The following TECR variants were observed in gnomAD, a reference collection of about 807,000 sequenced individuals.
TECR encodes the protein trans-2,3-enoyl-CoA reductase.
TECR carries 19 observed loss-of-function variants against 50.6 expected under a neutral mutation model. That is an observed-to-expected ratio of 0.38 (90% confidence interval 0.26 to 0.55). The LOEUF (loss-of-function observed/expected upper bound fraction) is 0.55. TECR is among the 20% of genes least tolerant of loss of function. TECR has a pLI of 0.79. For synonymous variants in TECR, 168 were observed against 163.5 expected (o/e 1.03, Z -0.21); for missense variants, 313 against 408.3 (o/e 0.77, Z 2.01).
upstream of TECR, chr19:14,529,135 A>T (rs7249458): frequency 0.53 from 95,606 of 178,832 alleles, 28,179 homozygotes; most frequent in African/African-American, 0.79. Context: ...CTCCTCGCCA[A>T]CCAGACTCCG....
At chr19:14,544,933 C>T (rs563264443) in intron 1 of TECR, among the ~76,000 whole-genome samples, 4 of 152,194 alleles carry the variant, frequency 2.6e-5, no homozygotes, top group Admixed American at 6.6e-5. Flanking sequence ...ATGCCCAGCA[C>T]GTGGCTTGTT....
chr19:14,547,730 T>C (rs2146593409), intron 1 of TECR, among the ~76,000 whole-genome samples: 1 of 151,700 alleles, frequency 6.6e-6, no homozygotes, highest in African/African-American at 2.4e-5. Context: ...GCTATTATAG[T>C]TCACTGCAGC....
intron 7 of TECR, 37 bp downstream of exon 7, chr19:14,564,324 C>T: frequency 7.9e-6 from 12 of 1,510,528 alleles, no homozygotes; most frequent in Non-Finnish European, 9.8e-6. Context: ...TAAGCCCCGC[C>T]TTTCTGCCCC....
chr19:14,534,281 T>C (rs572284277), intron 1 of TECR, among the ~76,000 whole-genome samples: 3 of 142,030 alleles, frequency 2.1e-5, no homozygotes, highest in South Asian at 4.4e-4. Flanking sequence ...CCTGCCACCA[T>C]GCCTGGCTAA....
chr19:14,540,621 ACCACAAGTGAT>A (rs909041704), intron 1 of TECR, among the ~76,000 whole-genome samples: 1 of 149,610 alleles, frequency 6.7e-6, no homozygotes, highest in Non-Finnish European at 1.5e-5. Flanking sequence ...TGAACTCCTG[ACCACAAGTGAT>A]CCACCTGCCT....
intron 1 of TECR, among the ~76,000 whole-genome samples, chr19:14,535,186 A>G (rs1344295653): frequency 6.6e-6 from 1 of 151,658 alleles, no homozygotes; most frequent in Non-Finnish European, 1.5e-5. Flanking sequence ...TAGCCTGGCC[A>G]ACATGGCGAA....
intron 1 of TECR, among the ~76,000 whole-genome samples, chr19:14,544,124 TG>T (rs1471509863): frequency 6.6e-6 from 1 of 151,854 alleles, no homozygotes; most frequent in Non-Finnish European, 1.5e-5. Flanking sequence ...AATACTGGTG[TG>T]GGGATGGTTT....
chr19:14,565,352 C>T (rs1349287574), intron 11 of TECR, 62 bp downstream of exon 11: 4 of 1,594,098 alleles, frequency 2.5e-6, no homozygotes, highest in Non-Finnish European at 3.4e-6. Context: ...AGGGACCAGC[C>T]CCTAGGATGG....
At chr19:14,547,854 G>T (rs1328007609) in intron 1 of TECR, among the ~76,000 whole-genome samples, 1 of 150,648 alleles carries the variant, frequency 6.6e-6, no homozygotes, top group African/African-American at 2.4e-5. Flanking sequence ...TAGAAATGGG[G>T]TCTTGCGATG....
At chr19:14,543,419 ATTTTTTTTTTT>A (rs1169742953) in intron 1 of TECR, among the ~76,000 whole-genome samples, 376 of 21,390 alleles carry the variant, frequency 0.018, 6 homozygotes, top group East Asian at 0.024. Context: ...ATATATATAT[ATTTTTTTTTTT>A]TTTTTTTTTT....
intron 11 of TECR, 73 bp from the exon 12 acceptor site, chr19:14,565,545 C>T: frequency 6.4e-7 from 1 of 1,559,122 alleles, no homozygotes; most frequent in Non-Finnish European, 8.6e-7. Context: ...CGGGAGGTGG[C>T]TGGCTGAGTC....
intron 1 of TECR, among the ~76,000 whole-genome samples, chr19:14,539,114 C>T (rs918169588): frequency 8.1e-5 from 12 of 149,016 alleles, no homozygotes; most frequent in Non-Finnish European, 1.5e-4. Flanking sequence ...GCTGGGACTA[C>T]AGGCGCCCAC....
chr19:14,565,429 T>C (rs2146637729), intron 11 of TECR, 139 bp downstream of exon 11: 2 of 1,366,796 alleles, frequency 1.5e-6, no homozygotes, highest in South Asian at 1.2e-5. Context: ...GACCGCGGCC[T>C]CTCTGCTGTG....
chr19:14,537,848 C>T (rs1282547290), intron 1 of TECR, among the ~76,000 whole-genome samples: 2 of 149,424 alleles, frequency 1.3e-5, no homozygotes, highest in African/African-American at 4.9e-5. Flanking sequence ...CGGGTTCAGG[C>T]GATTCTCCTG....
chr19:14,537,423 G>C (rs1010344545), intron 1 of TECR, among the ~76,000 whole-genome samples: 6 of 148,144 alleles, frequency 4.1e-5, no homozygotes, highest in African/African-American at 1.5e-4. Flanking sequence ...GCCCAGCAAA[G>C]CCTTCTGGAC....
At chr19:14,529,817 A>G in intron 1 of TECR, 106 bp downstream of exon 1, 1 of 1,543,350 alleles carries the variant, frequency 6.5e-7, no homozygotes, top group Non-Finnish European at 8.9e-7. Context: ...CCGAAGGAAG[A>G]GCCAGACGGC....
chr19:14,563,293 C>A lies in TECR; in HGVS notation c.118+36C>A, dbSNP rs2146631546. Reference sequence around the variant, plus strand: ...GTCCCGGCCACACTGCCCCTGCAACCCCTTTGACCAGGGACCTTAGGGTGG... The same window carrying A: ...GTCCCGGCCACACTGCCCCTGCAACACCTTTGACCAGGGACCTTAGGGTGG... On this transcript the variant is annotated intron_variant, in intron 3 of 12. Coordinates refer to ENST00000215567, the MANE Select transcript of TECR (RefSeq NM_138501.6). The surrounding 1 kb of genome is among the most constrained non-coding windows in gnomAD (Gnocchi z 5.3). The A allele has an allele frequency of 6.3e-7, 1 of 1,575,558 alleles. No individual in the cohort carries two copies. The highest frequency in any genetic ancestry group is 1.3e-5 in the African/African-American group (1 of 74,284).
chr19:14,563,080 A>G lies in TECR; in HGVS notation c.67-126A>G. ...TCCCTGACTGCAGGCAGAGGCCTGG[A>G]CCCCAGCCCTTCCCCCTTCCCATAG... On this transcript the variant is annotated intron_variant, in intron 2 of 12. Coordinates refer to ENST00000215567, the MANE Select transcript of TECR (RefSeq NM_138501.6). The surrounding 1 kb of genome is among the most constrained non-coding windows in gnomAD (Gnocchi z 5.3). The G allele has an allele frequency of 4.2e-6, 5 of 1,189,496 alleles. No homozygotes were observed. The highest frequency in any genetic ancestry group is 6.1e-6 in the Non-Finnish European group (5 of 824,658). 73.7% of individuals were successfully genotyped at this position (1,189,496 alleles called of 1,614,324 possible).
At chr19:14,539,847 G>T (rs1353609760) in intron 1 of TECR, among the ~76,000 whole-genome samples, 11 of 150,610 alleles carry the variant, frequency 7.3e-5, no homozygotes, top group Non-Finnish European at 1.2e-4. Context: ...CATCTCCTTC[G>T]CAGCCCATCT....
Sources: allele counts gnomAD v4.1 joint callset (sites outside exome capture counted in the v4.1 genomes callset), GRCh38; gene constraint gnomAD v4.1.1; non-coding constraint Gnocchi (gnomAD v3.1); transcripts MANE v1.5; gene names NCBI Gene and HGNC (gene_info 2026-07-23, HGNC 2026-07-21).